NCALD: variants seen among roughly 807,000 people sequenced by gnomAD.
NCALD encodes neurocalcin-delta.
In NCALD, 10 loss-of-function variants were observed where a neutral mutation model predicts 18.6. That is an observed-to-expected ratio of 0.54 (90% CI 0.33 to 0.91). The LOEUF (loss-of-function observed/expected upper bound fraction) is 0.91. Ranked by LOEUF, NCALD falls within the 40% of genes least tolerant of loss-of-function variation. NCALD has a pLI of 0.03. For missense variants in NCALD, 184 were observed against 247.6 expected, an observed-to-expected ratio of 0.74 and a Z score of 1.72; for synonymous variants, 88 against 87.4, an observed-to-expected ratio of 1.01 and a Z score of -0.04.
At chr8:101,939,672 A>G (rs1370358521) in intron 2 of NCALD, among the ~76,000 whole-genome samples, 1 of 152,246 alleles carries the variant, frequency 6.6e-6, no homozygotes, top group African/African-American at 2.4e-5. Context: ...TGATGTAATT[A>G]ATGAAACTTT....
chr8:101,720,602 T>A (rs998410958), intron 1 of NCALD, among the ~76,000 whole-genome samples: 2 of 152,364 alleles, frequency 1.3e-5, no homozygotes, highest in African/African-American at 4.8e-5. Flanking sequence ...TAACATGGTG[T>A]GGAAAATAAA....
intron 1 of NCALD, among the ~76,000 whole-genome samples, chr8:101,779,071 A>T (rs1811909702): frequency 6.6e-6 from 1 of 152,230 alleles, no homozygotes; most frequent in South Asian, 2.1e-4. Context: ...CAAAGTCCAT[A>T]AAATTGTGAT....
chr8:101,935,440 A>C (rs13278642), intron 2 of NCALD, among the ~76,000 whole-genome samples: 59,290 of 152,078 alleles, frequency 0.39, 11,945 homozygotes, highest in South Asian at 0.48. Context: ...TAAGATTTTG[A>C]TGGCTCTATC....
intron 4 of NCALD, among the ~76,000 whole-genome samples, chr8:101,853,160 T>C (rs976416893): frequency 1.2e-4 from 19 of 152,232 alleles, no homozygotes; most frequent in Admixed American, 9.2e-4. Flanking sequence ...TAGGGTTTCA[T>C]GAGCATTAAA....
chr8:101,690,213 G>A (rs920065392), intron 3 of NCALD: 154 of 908,690 alleles, frequency 1.7e-4, no homozygotes, highest in Non-Finnish European at 2.0e-4. Flanking sequence ...AGGGGGTGGG[G>A]TAGGAGTTGG....
intron 2 of NCALD, among the ~76,000 whole-genome samples, chr8:101,981,073 C>T (rs1159788897): frequency 6.6e-6 from 1 of 152,178 alleles, no homozygotes; most frequent in East Asian, 1.9e-4. Context: ...TCATTTAATT[C>T]TTGTATATCA....
rs79100576 is a variant in NCALD, at chr8:101,934,412, G to A, written c.-156-18554C>T. On this transcript the variant is annotated intron_variant, in intron 2 of 6. Coordinates refer to the NCALD transcript ENST00000311028. ...GGGGCTAGTGAGTGGATAAGCTCCC[G>A]CAAGAAGATTAGGCATAGTGAGAAG... is the stretch of plus-strand genomic sequence containing the variant. Among the ~76,000 whole-genome samples, 96 of 152,198 alleles carry A rather than the reference G, an allele frequency of 6.3e-4. 1 individual carries two copies. The East Asian group carries it at 0.013, about 20-fold the overall frequency.
intron 2 of NCALD, among the ~76,000 whole-genome samples, chr8:101,708,042 G>A (rs1031765352): frequency 1.3e-5 from 2 of 152,122 alleles, no homozygotes; most frequent in African/African-American, 2.4e-5. Flanking sequence ...CAGGAGTAAC[G>A]TGATGTCAGC....
rs556928287 is a variant in NCALD at position 101,752,474 on chromosome 8, C to T, written c.-19-32826G>A. ...ATAACAACTTAGTGGCCTGAAGTAA[C>T]CACAACAAAGAGTGATTTCCAAACC... On this transcript the variant is annotated intron_variant, in intron 1 of 3. Transcript: ENST00000220931. 2.6e-5 allele frequency among the ~76,000 whole-genome samples: 4 copies of T among 152,222 alleles called. No homozygotes were observed. The East Asian group carries it at 7.7e-4, about 29-fold the overall frequency.
At chr8:102,118,161 G>C (rs1161068827) in intron 1 of NCALD, among the ~76,000 whole-genome samples, 3 of 152,252 alleles carry the variant, frequency 2.0e-5, no homozygotes, top group Non-Finnish European at 4.4e-5. Context: ...CCAGATCAGA[G>C]AGTGGAAGAG....
intron 2 of NCALD, among the ~76,000 whole-genome samples, chr8:101,975,516 T>C (rs1046955617): frequency 3.7e-4 from 57 of 152,182 alleles, no homozygotes; most frequent in Admixed American, 3.7e-3. Flanking sequence ...CTTGCTCTAT[T>C]GGAAAATGGA....
intron 2 of NCALD, among the ~76,000 whole-genome samples, chr8:101,974,216 T>TGAA (rs1820340019): frequency 6.6e-6 from 1 of 152,202 alleles, no homozygotes. Flanking sequence ...TTCATTTCAT[T>TGAA]GAAAGTAATG....
At chr8:102,002,526 C>G (rs1821516734) in intron 2 of NCALD, among the ~76,000 whole-genome samples, 1 of 152,156 alleles carries the variant, frequency 6.6e-6, no homozygotes, top group African/African-American at 2.4e-5. Context: ...ACCAAGCAGA[C>G]CTAATAGACA....
chr8:101,898,382 G>GT (rs1283573738), intron 3 of NCALD, among the ~76,000 whole-genome samples: 2 of 151,612 alleles, frequency 1.3e-5, no homozygotes, highest in South Asian at 2.1e-4. Flanking sequence ...TTGGATTTTT[G>GT]TTTTTTTAAA....
At chr8:101,961,191 T>G (rs1029402807) in intron 2 of NCALD, among the ~76,000 whole-genome samples, 5 of 152,132 alleles carry the variant, frequency 3.3e-5, no homozygotes, top group African/African-American at 1.2e-4. Flanking sequence ...TTACAGATGG[T>G]TTGATGAGAA....
intron 4 of NCALD, among the ~76,000 whole-genome samples, chr8:101,816,390 G>A (rs1163600189): frequency 1.3e-5 from 2 of 152,174 alleles, no homozygotes; most frequent in African/African-American, 4.8e-5. Context: ...GAAACATTCT[G>A]TGGTGGAAAG....
intron 2 of NCALD, among the ~76,000 whole-genome samples, chr8:101,938,634 CAACA>C (rs1472471361): frequency 4.8e-5 from 7 of 145,520 alleles, no homozygotes; most frequent in Non-Finnish European, 9.0e-5. Context: ...CTTAATAATG[CAACA>C]AACAAAGAAA....
chr8:102,088,581 GT>G lies in NCALD; in HGVS notation c.-210+35655del, dbSNP rs1824819058. 6.6e-5 allele frequency among the ~76,000 whole-genome samples: 10 copies of G among 151,228 alleles called. No homozygotes were observed. The South Asian group carries it at 1.2e-3, about 19-fold the overall frequency. ...AAAAAAAAAAAAAAGAACAACCTCT[GT>G]TTTCCTCATGGAACCCTAGAAATTA... On this transcript the variant is annotated intron_variant, in intron 1 of 6. Coordinates refer to the NCALD transcript ENST00000311028.
intron 1 of NCALD, among the ~76,000 whole-genome samples, chr8:101,724,467 T>A (rs138202334): frequency 1.4e-3 from 217 of 152,314 alleles, no homozygotes; most frequent in African/African-American, 5.0e-3. Context: ...TACTAGCTGG[T>A]GGGTAATTCA....
Sources: gnomAD v4.1 joint callset for allele counts (sites outside exome capture counted in the v4.1 genomes callset) on GRCh38, gnomAD v4.1.1 for gene constraint, MANE v1.5 for transcripts, NCBI Gene and HGNC (gene_info 2026-07-23, HGNC 2026-07-21) for gene names.